Variants in CDYL2 observed in about 807,000 individuals in gnomAD.
The protein encoded by CDYL2 is chromodomain Y-like protein 2.
CDYL2 carries 23 observed loss-of-function variants against 49.4 expected under a neutral mutation model. The ratio of observed to expected loss-of-function variants is 0.47; its 90% CI spans 0.34 to 0.66. The LOEUF (loss-of-function observed/expected upper bound fraction) is 0.66. CDYL2 is among the 30% of genes least tolerant of loss of function. The pLI is 0.01. For missense variants in CDYL2, 678 were observed against 656.4 expected (o/e 1.03, Z -0.36); for synonymous variants, 360 against 268.8 (o/e 1.34, Z -3.32).
chr16:80,613,767 A>T (rs1419364477), intron 4 of CDYL2, among the ~76,000 whole-genome samples: 2 of 152,214 alleles, frequency 1.3e-5, no homozygotes, highest in Admixed American at 6.5e-5. Flanking sequence ...GGAAAGACAC[A>T]AGATGTCTAG....
At chr16:80,767,028 G>C (rs1015164945) in intron 1 of CDYL2, among the ~76,000 whole-genome samples, 2 of 152,128 alleles carry the variant, frequency 1.3e-5, no homozygotes, top group African/African-American at 4.8e-5. Context: ...GCTGACACTG[G>C]TCATTGCAGA....
intron 2 of CDYL2, among the ~76,000 whole-genome samples, chr16:80,666,165 G>A (rs1324177775): frequency 6.6e-6 from 1 of 152,198 alleles, no homozygotes; most frequent in Non-Finnish European, 1.5e-5. Flanking sequence ...GGTAAGACCT[G>A]CCTGGAGATG....
chr16:80,693,432 A>G (rs904225576), intron 1 of CDYL2, among the ~76,000 whole-genome samples: 1 of 152,230 alleles, frequency 6.6e-6, no homozygotes, highest in Non-Finnish European at 1.5e-5. Context: ...AGCATTAAAC[A>G]AGACAGCAGA....
chr16:80,766,276 T>A (rs145730580), intron 1 of CDYL2, among the ~76,000 whole-genome samples: 1 of 151,898 alleles, frequency 6.6e-6, no homozygotes, highest in Non-Finnish European at 1.5e-5. Context: ...AATACAACTT[T>A]TATTGACAAA....
intron 1 of CDYL2, among the ~76,000 whole-genome samples, chr16:80,770,408 T>C (rs1412904828): frequency 6.6e-6 from 1 of 152,158 alleles, no homozygotes; most frequent in Non-Finnish European, 1.5e-5. Context: ...ACACCATGGT[T>C]TTCAAAGAAA....
At position 80,652,374 on chromosome 16, in the gene CDYL2, C is replaced by A. The variant is rs1055351840; in HGVS notation, c.617-19138G>T. On this transcript the variant is annotated intron_variant, in intron 2 of 6. Coordinates refer to ENST00000570137, the MANE Select transcript of CDYL2 (RefSeq NM_152342.4). ...GCCAAAGATGGAACAATTTGAGCAA[C>A]AAAATATAGTAGTACTGGATTAAAT... is the stretch of plus-strand genomic sequence containing the variant. Among the ~76,000 whole-genome samples the A allele has an allele frequency of 2.0e-5, 3 of 152,094 alleles. No homozygotes were observed. In the South Asian group the frequency reaches 6.2e-4, roughly 32 times the overall value.
At chr16:80,671,636 C>A (rs994873856) in intron 2 of CDYL2, among the ~76,000 whole-genome samples, 1 of 152,200 alleles carries the variant, frequency 6.6e-6, no homozygotes, top group African/African-American at 2.4e-5. Flanking sequence ...GAGGAAGTTA[C>A]AAAGAGTACT....
intron 1 of CDYL2, among the ~76,000 whole-genome samples, chr16:80,691,246 G>A (rs753785886): frequency 2.0e-5 from 3 of 152,270 alleles, no homozygotes; most frequent in East Asian, 1.9e-4. Flanking sequence ...GCGGAAGGGC[G>A]AAGGCACCCC....
intron 2 of CDYL2, among the ~76,000 whole-genome samples, chr16:80,684,020 C>T (rs1200801993): frequency 6.6e-6 from 1 of 152,214 alleles, no homozygotes; most frequent in African/African-American, 2.4e-5. Context: ...ACAAGAGGCT[C>T]CAGCACAGGC....
intron 2 of CDYL2, among the ~76,000 whole-genome samples, chr16:80,642,500 G>T (rs1199030271): frequency 6.6e-6 from 1 of 152,134 alleles, no homozygotes; most frequent in African/African-American, 2.4e-5. Context: ...AAATAGTGTT[G>T]TTATAAGCTT....
intron 1 of CDYL2, among the ~76,000 whole-genome samples, chr16:80,746,111 T>G (rs934120809): frequency 6.6e-6 from 1 of 152,082 alleles, no homozygotes; most frequent in Non-Finnish European, 1.5e-5. Context: ...TCCCGAGACC[T>G]TCCTTCTCCC....
At chr16:80,655,705 G>C (rs916328409) in intron 2 of CDYL2, among the ~76,000 whole-genome samples, 1 of 152,168 alleles carries the variant, frequency 6.6e-6, no homozygotes, top group Non-Finnish European at 1.5e-5. Flanking sequence ...CAACACCTCT[G>C]AGCCAAGCAG....
intron 2 of CDYL2, among the ~76,000 whole-genome samples, chr16:80,651,018 G>C (rs1037613751): frequency 2.6e-5 from 4 of 152,030 alleles, no homozygotes; most frequent in Non-Finnish European, 5.9e-5. Context: ...CAAAAAAATA[G>C]AAACAATGAA....
intron 2 of CDYL2, among the ~76,000 whole-genome samples, chr16:80,649,778 A>C (rs1337780899): frequency 6.6e-6 from 1 of 152,228 alleles, no homozygotes; most frequent in African/African-American, 2.4e-5. Flanking sequence ...ACAGAGATGA[A>C]TAGAACAGAA....
intron 1 of CDYL2, among the ~76,000 whole-genome samples, chr16:80,718,113 A>G (rs376432125): frequency 3.0e-4 from 45 of 152,322 alleles, no homozygotes; most frequent in African/African-American, 1.0e-3. Context: ...CAGAGTCCAA[A>G]GGCCACATGA....
chr16:80,761,155 C>A (rs1906514610), intron 1 of CDYL2, among the ~76,000 whole-genome samples: 1 of 152,138 alleles, frequency 6.6e-6, no homozygotes, highest in Admixed American at 6.5e-5. Context: ...CAGGCCCCAC[C>A]AGGGACCTAC....
intron 1 of CDYL2, among the ~76,000 whole-genome samples, chr16:80,709,616 T>C (rs1403110263): frequency 6.7e-6 from 1 of 150,116 alleles, no homozygotes; most frequent in African/African-American, 2.5e-5. Flanking sequence ...ACCCATGAGC[T>C]CCCCCAGTTC....
intron 2 of CDYL2, among the ~76,000 whole-genome samples, chr16:80,681,016 G>C (rs545099011): frequency 6.6e-6 from 1 of 151,928 alleles, no homozygotes; most frequent in African/African-American, 2.4e-5. Context: ...CACAAACACT[G>C]CTGGGGAAAA....
At chr16:80,803,229 G>A (rs1907980415) in intron 1 of CDYL2, among the ~76,000 whole-genome samples, 1 of 152,204 alleles carries the variant, frequency 6.6e-6, no homozygotes, top group African/African-American at 2.4e-5. Context: ...TTCCTCCATT[G>A]TTTGAAAGAT....
Sources: gnomAD v4.1 joint callset for allele counts (sites outside exome capture counted in the v4.1 genomes callset) on GRCh38, gnomAD v4.1.1 for gene constraint, MANE v1.5 for transcripts, NCBI Gene and HGNC (gene_info 2026-07-23, HGNC 2026-07-21) for gene names.